Variants in FYB1 observed in about 807,000 individuals in gnomAD.
FYB1 encodes the protein FYN-binding protein 1.
FYB1 carries 41 observed loss-of-function variants against 94.1 expected under a neutral mutation model. The observed-to-expected ratio is 0.44, with a 90% CI of 0.34 to 0.57. FYB1 has a LOEUF of 0.57. FYB1 is among the 20% of genes least tolerant of loss of function. The pLI is 0.02. For missense variants in FYB1, 1,050 were observed against 976.8 expected (o/e 1.07, Z -1.00); for synonymous variants, 367 against 353.2 (o/e 1.04, Z -0.44).
intron 2 of FYB1, among the ~76,000 whole-genome samples, chr5:39,158,580 A>AT (rs979743335): frequency 1.3e-5 from 2 of 152,226 alleles, no homozygotes; most frequent in Non-Finnish European, 2.9e-5. Flanking sequence ...CAAACTTTGC[A>AT]TTTTATGTAT....
chr5:39,133,538 C>G (rs1287150767), intron 9 of FYB1, among the ~76,000 whole-genome samples: 3 of 152,018 alleles, frequency 2.0e-5, no homozygotes, highest in African/African-American at 7.3e-5. Flanking sequence ...AAGCAGAAGA[C>G]TAAGAAAGGA....
intron 1 of FYB1, among the ~76,000 whole-genome samples, chr5:39,204,247 T>TG (rs1027636189): frequency 1.3e-5 from 2 of 152,290 alleles, no homozygotes; most frequent in African/African-American, 2.4e-5. Flanking sequence ...TACCATTTAG[T>TG]GGGGGGTAAA....
intron 2 of FYB1, among the ~76,000 whole-genome samples, chr5:39,181,662 T>C (rs1218395885): frequency 6.6e-6 from 1 of 152,192 alleles, no homozygotes. Flanking sequence ...CCCTGAATCC[T>C]GGTCACTCTC....
At chr5:39,170,824 T>G (rs1015662134) in intron 2 of FYB1, among the ~76,000 whole-genome samples, 3 of 152,212 alleles carry the variant, frequency 2.0e-5, no homozygotes, top group Non-Finnish European at 2.9e-5. Context: ...TCTGGAACCA[T>G]TATTCCTCCT....
chr5:39,120,892 A>T lies in FYB1; in HGVS notation c.2139-1258T>A, dbSNP rs1359221045. Among the ~76,000 whole-genome samples the T allele has an allele frequency of 2.0e-5, 3 of 152,068 alleles. No homozygotes were observed. The South Asian group carries it at 6.2e-4, about 31-fold the overall frequency. ...CTATGGTAGTCTGGGCATTTGTGGA[A>T]TTACTGCCCCAGATTAACTCTCTGG... On this transcript the variant is annotated intron_variant, in intron 14 of 18. Coordinates refer to ENST00000512982, the MANE Select transcript of FYB1 (RefSeq NM_001465.6).
At chr5:39,169,374 G>C in intron 2 of FYB1, 2 of 759,242 alleles carry the variant, frequency 2.6e-6, no homozygotes, top group Non-Finnish European at 4.9e-6. Context: ...AATTGAACTA[G>C]CTTTGTGAAT....
intron 1 of FYB1, among the ~76,000 whole-genome samples, chr5:39,239,182 A>T (rs1751098930): frequency 6.6e-6 from 1 of 152,148 alleles, no homozygotes; most frequent in Non-Finnish European, 1.5e-5. Context: ...AGCGGCATCT[A>T]TGGCCAGCCC....
At chr5:39,135,841 A>T (rs909992026) in intron 7 of FYB1, among the ~76,000 whole-genome samples, 1 of 152,036 alleles carries the variant, frequency 6.6e-6, no homozygotes, top group Non-Finnish European at 1.5e-5. Flanking sequence ...TTTTTTACCT[A>T]TTATCTATTA....
At chr5:39,113,498 C>T (rs1739256084) in intron 16 of FYB1, among the ~76,000 whole-genome samples, 1 of 152,126 alleles carries the variant, frequency 6.6e-6, no homozygotes, top group Admixed American at 6.6e-5. Flanking sequence ...ACCCACCTCC[C>T]ATATGTGCCA....
chr5:39,264,837 C>T (rs1002326335), intron 1 of FYB1, among the ~76,000 whole-genome samples: 2 of 152,144 alleles, frequency 1.3e-5, no homozygotes, highest in African/African-American at 4.8e-5. Flanking sequence ...ATCCCCTCAT[C>T]AGAGACCAGA....
rs879936598 is a variant in FYB1, at chr5:39,243,189, G to T, written c.-28+31214C>A. Among the ~76,000 whole-genome samples, 60 of 151,914 alleles carry T rather than the reference G, an allele frequency of 3.9e-4. 2 individuals are homozygous for T. Among genetic ancestry groups the T allele is most frequent in the Admixed American group, 9.2e-4 (14 of 15,280 alleles). Reference sequence around the variant, plus strand: ...TTTGGCTTTTGTTGCCATTGCTTTTGGTGTTTTAGACATGAAGTCCTTGCC... The same window carrying T: ...TTTGGCTTTTGTTGCCATTGCTTTTTGTGTTTTAGACATGAAGTCCTTGCC... On this transcript the variant is annotated intron_variant, in intron 1 of 1. Coordinates refer to the FYB1 transcript ENST00000510188.
At chr5:39,221,795 G>A (rs1446052987), upstream of FYB1, among the ~76,000 whole-genome samples, 6 of 152,096 alleles carry the variant, frequency 3.9e-5, no homozygotes, top group East Asian at 1.9e-4. Context: ...TCAGGAGTTC[G>A]AGACTAGCTT....
At chr5:39,186,197 G>A (rs550708164) in intron 2 of FYB1, among the ~76,000 whole-genome samples, 5 of 152,126 alleles carry the variant, frequency 3.3e-5, no homozygotes, top group African/African-American at 9.7e-5. Flanking sequence ...AGGCGAAGGC[G>A]GGAGGATCAC....
chr5:39,121,740 T>C (rs1408961493), intron 14 of FYB1, among the ~76,000 whole-genome samples: 1 of 152,172 alleles, frequency 6.6e-6, no homozygotes, highest in Non-Finnish European at 1.5e-5. Context: ...TGATCTGAAC[T>C]GATTTTATAC....
chr5:39,146,860 A>G (rs2150344481), intron 3 of FYB1, among the ~76,000 whole-genome samples: 1 of 152,316 alleles, frequency 6.6e-6, no homozygotes, highest in South Asian at 2.1e-4. Flanking sequence ...AATATGAAAT[A>G]GTGACTATAA....
At chr5:39,273,468 G>A (rs1307971749) in intron 1 of FYB1, among the ~76,000 whole-genome samples, 2 of 152,180 alleles carry the variant, frequency 1.3e-5, no homozygotes, top group African/African-American at 4.8e-5. Context: ...TGAAGCCAGA[G>A]CTCAGTACAT....
chr5:39,246,062 T>TTTTCC (rs1332050471), intron 1 of FYB1, among the ~76,000 whole-genome samples: 1 of 152,226 alleles, frequency 6.6e-6, no homozygotes, highest in African/African-American at 2.4e-5. Flanking sequence ...AAAGAAAGTC[T>TTTTCC]GCTTTTTTCT....
At chr5:39,146,158 A>C (rs1445976388) in intron 3 of FYB1, among the ~76,000 whole-genome samples, 3 of 151,466 alleles carry the variant, frequency 2.0e-5, no homozygotes, top group Non-Finnish European at 1.5e-5. Context: ...CAGGTGATTC[A>C]CCTGCCTCAG....
At chr5:39,167,975 C>G (rs184750443) in intron 2 of FYB1, among the ~76,000 whole-genome samples, 1 of 152,312 alleles carries the variant, frequency 6.6e-6, no homozygotes, top group African/African-American at 2.4e-5. Context: ...TATTTAACAA[C>G]AGTGCCCATC....
Sources: allele counts gnomAD v4.1 joint callset (sites outside exome capture counted in the v4.1 genomes callset), GRCh38; gene constraint gnomAD v4.1.1; transcripts MANE v1.5; gene names NCBI Gene and HGNC (gene_info 2026-07-23, HGNC 2026-07-21).